LRRC4C: variants seen among roughly 807,000 people sequenced by gnomAD.
The protein encoded by LRRC4C is leucine rich repeat containing 4C.
In LRRC4C, 5 loss-of-function variants were observed where a neutral mutation model predicts 33.6. The ratio of observed to expected loss-of-function variants is 0.15; its 90% CI spans 0.08 to 0.31. LRRC4C has a LOEUF of 0.31. Among genes scored for constraint, LRRC4C ranks in the 10% least tolerant of loss-of-function variants. The pLI is 1.00. For missense variants in LRRC4C, 560 were observed against 796.7 expected (o/e 0.70, Z 3.58); for synonymous variants, 329 against 302.0 (o/e 1.09, Z -0.93).
At chr11:40,318,287 T>A (rs1416938052) in intron 4 of LRRC4C, among the ~76,000 whole-genome samples, 1 of 152,118 alleles carries the variant, frequency 6.6e-6, no homozygotes, top group Non-Finnish European at 1.5e-5. Context: ...ATTATTATTA[T>A]TTTGCCTTTA....
At chr11:41,370,812 A>G (rs1309136596) in intron 1 of LRRC4C, among the ~76,000 whole-genome samples, 10 of 152,124 alleles carry the variant, frequency 6.6e-5, no homozygotes, top group African/African-American at 1.7e-4. Context: ...CACTGCTAGG[A>G]TTATAGGCAT....
chr11:41,312,019 C>A (rs571099381), intron 1 of LRRC4C, among the ~76,000 whole-genome samples: 1 of 152,176 alleles, frequency 6.6e-6, no homozygotes, highest in African/African-American at 2.4e-5. Context: ...AAGACCGACA[C>A]GTTTTATCAA....
chr11:40,892,875 C>T (rs1955782551), intron 2 of LRRC4C, among the ~76,000 whole-genome samples: 1 of 151,958 alleles, frequency 6.6e-6, no homozygotes, highest in African/African-American at 2.4e-5. Flanking sequence ...GGTTGTTACA[C>T]AATATTATAA....
intron 1 of LRRC4C, among the ~76,000 whole-genome samples, chr11:41,188,105 T>C (rs950164043): frequency 1.3e-5 from 2 of 152,112 alleles, no homozygotes; most frequent in South Asian, 2.1e-4. Flanking sequence ...AATTTCCTGT[T>C]TAACTTTGGA....
chr11:41,077,081 C>G (rs535034895), intron 1 of LRRC4C, among the ~76,000 whole-genome samples: 1 of 152,188 alleles, frequency 6.6e-6, no homozygotes, highest in Non-Finnish European at 1.5e-5. Flanking sequence ...GCTCACATGC[C>G]CTTGTGCAGC....
At chr11:40,819,986 A>T (rs769670959) in intron 2 of LRRC4C, among the ~76,000 whole-genome samples, 88 of 151,782 alleles carry the variant, frequency 5.8e-4, no homozygotes, top group Non-Finnish European at 9.7e-4. Context: ...TGACTAAATT[A>T]AAAAAAAGAC....
At chr11:40,976,344 C>T (rs1852084000) in intron 1 of LRRC4C, among the ~76,000 whole-genome samples, 1 of 152,120 alleles carries the variant, frequency 6.6e-6, no homozygotes, top group Non-Finnish European at 1.5e-5. Context: ...CAGAAAATAT[C>T]TCCTGGGTTC....
At chr11:40,417,839 G>A (rs1439702614) in intron 3 of LRRC4C, among the ~76,000 whole-genome samples, 1 of 152,120 alleles carries the variant, frequency 6.6e-6, no homozygotes, top group Non-Finnish European at 1.5e-5. Flanking sequence ...GTGAAGTATG[G>A]GTTAGGGTTT....
intron 1 of LRRC4C, among the ~76,000 whole-genome samples, chr11:40,965,697 A>G (rs183423120): frequency 3.3e-5 from 5 of 151,732 alleles, no homozygotes; most frequent in Admixed American, 6.6e-5. Context: ...GGCATTATTT[A>G]TGAGGGTTCT....
At chr11:40,797,614 T>C (rs1950885931) in intron 2 of LRRC4C, among the ~76,000 whole-genome samples, 1 of 152,166 alleles carries the variant, frequency 6.6e-6, no homozygotes, top group Admixed American at 6.5e-5. Context: ...CTCAAAAATC[T>C]CTACAAGATG....
At chr11:40,460,100 C>G (rs1952322285) in intron 3 of LRRC4C, among the ~76,000 whole-genome samples, 1 of 152,130 alleles carries the variant, frequency 6.6e-6, no homozygotes, top group African/African-American at 2.4e-5. Flanking sequence ...GTAGTTTACT[C>G]TTTCCACAAA....
rs539748410 is a variant in LRRC4C at position 40,972,136 on chromosome 11, A to C, written c.-495-38413T>G. The stretch of plus-strand genomic sequence containing the variant: ...TCTGGGGGACTGTTGGGAAGCCATA[A>C]TTTTTTTTTTTTTTTTTTGAAATGG... On this transcript the variant is annotated intron_variant, in intron 1 of 6. Transcript: ENST00000528697. 1.6e-3 allele frequency among the ~76,000 whole-genome samples: 222 copies of C among 137,884 alleles called. 2 individuals carry two copies. Among genetic ancestry groups the C allele is most frequent in the African/African-American group, 5.8e-3 (219 of 37,482 alleles). 90.5% of individuals were successfully genotyped at this position (137,884 alleles called of 152,430 possible).
intron 1 of LRRC4C, among the ~76,000 whole-genome samples, chr11:41,348,883 C>A (rs1951884471): frequency 6.6e-6 from 1 of 152,278 alleles, no homozygotes; most frequent in South Asian, 2.1e-4. Flanking sequence ...GGGAGAACTT[C>A]CCAGATAGTT....
chr11:40,927,574 A>G (rs1957453556), intron 2 of LRRC4C, among the ~76,000 whole-genome samples: 1 of 152,104 alleles, frequency 6.6e-6, no homozygotes, highest in Non-Finnish European at 1.5e-5. Context: ...CAAGTGTGCA[A>G]ATTATATAAG....
intron 2 of LRRC4C, among the ~76,000 whole-genome samples, chr11:40,878,444 A>G (rs567450596): frequency 1.3e-5 from 2 of 152,342 alleles, no homozygotes; most frequent in East Asian, 3.9e-4. Flanking sequence ...ACCTGAGATC[A>G]TCAGGCATTA....
At chr11:41,332,263 C>T (rs1441066161) in intron 1 of LRRC4C, among the ~76,000 whole-genome samples, 1 of 152,078 alleles carries the variant, frequency 6.6e-6, no homozygotes, top group African/African-American at 2.4e-5. Flanking sequence ...CAAACATATA[C>T]AATTTTATAA....
chr11:40,933,323 G>A (rs553315328), intron 2 of LRRC4C, among the ~76,000 whole-genome samples: 5 of 152,362 alleles, frequency 3.3e-5, no homozygotes, highest in Admixed American at 2.6e-4. Context: ...ACAGGTGTGT[G>A]CAGCAACCCC....
chr11:40,733,061 G>GTTTTTTTTTT (rs544471413), intron 2 of LRRC4C, among the ~76,000 whole-genome samples: 7 of 57,602 alleles, frequency 1.2e-4, no homozygotes, highest in Non-Finnish European at 1.8e-4. Flanking sequence ...TATGAATATA[G>GTTTTTTTTTT]TTTTTTTTTT....
intron 2 of LRRC4C, among the ~76,000 whole-genome samples, chr11:40,755,922 C>A (rs117810509): frequency 6.6e-6 from 1 of 152,098 alleles, no homozygotes; most frequent in African/African-American, 2.4e-5. Flanking sequence ...CAGAATGTGA[C>A]TGTATTTAGC....
Sources: allele counts gnomAD v4.1 joint callset (sites outside exome capture counted in the v4.1 genomes callset), GRCh38; gene constraint gnomAD v4.1.1; transcripts MANE v1.5; gene names NCBI Gene and HGNC (gene_info 2026-07-23, HGNC 2026-07-21).